The following PRRX2 variants were observed in gnomAD, a reference collection of about 807,000 sequenced individuals.
PRRX2 encodes the protein paired related homeobox 2, also known as paired mesoderm homeobox protein 2.
PRRX2 carries 11 observed loss-of-function variants against 18.0 expected under a neutral mutation model. That is an observed-to-expected ratio of 0.61 (90% CI 0.39 to 1.01). The LOEUF (loss-of-function observed/expected upper bound fraction) is 1.01, where lower values mean the gene tolerates loss of function less well. PRRX2 is among the 50% of genes least tolerant of loss of function. The pLI is 0.01. For synonymous variants in PRRX2, 177 were observed against 154.8 expected (o/e 1.14, Z -1.06); for missense variants, 387 against 351.0 (o/e 1.10, Z -0.82).
At chr9:129,672,039 G>A (rs537204244) in intron 1 of PRRX2, among the ~76,000 whole-genome samples, 23 of 152,300 alleles carry the variant, frequency 1.5e-4, no homozygotes, top group Middle Eastern at 3.4e-3. Context: ...GCTTGTCCCA[G>A]GCAAGAATGT....
chr9:129,681,403 C>A (rs929724684), intron 1 of PRRX2, among the ~76,000 whole-genome samples: 6 of 152,162 alleles, frequency 3.9e-5, no homozygotes, highest in Admixed American at 2.6e-4. Flanking sequence ...ACCTGTACTC[C>A]CAGCTACTCG....
chr9:129,721,320 G>T (rs532626252), intron 3 of PRRX2, among the ~76,000 whole-genome samples: 2 of 152,148 alleles, frequency 1.3e-5, no homozygotes, highest in African/African-American at 4.8e-5. Context: ...AAGTTCTGGG[G>T]CAGTTTTGTC....
At chr9:129,668,191 A>G (rs1030675848) in intron 1 of PRRX2, among the ~76,000 whole-genome samples, 1 of 152,174 alleles carries the variant, frequency 6.6e-6, no homozygotes, top group African/African-American at 2.4e-5. Flanking sequence ...CAACTCATCC[A>G]TCTGGGTCAG....
rs780732143 is a variant in PRRX2, at chr9:129,669,057, GA to G, written c.259+2941del. Among the ~76,000 whole-genome samples the G allele has an allele frequency of 3.3e-4, 45 of 135,006 alleles. No individual in the cohort carries two copies. The East Asian group carries it at 6.5e-3, about 19-fold the overall frequency. The allele number at this position is 135,006 out of a possible 152,430, so 88.6% of individuals were successfully genotyped here. ...AGCTACTCGGGAGGCTGAGGCAGGA[GA>G]AAAAAAAAAGAAAGAAAGAAAGAAA... On this transcript the variant is annotated intron_variant, in intron 1 of 3. Transcript: ENST00000372469.
At chr9:129,681,290 C>T (rs1564146471) in intron 1 of PRRX2, among the ~76,000 whole-genome samples, 1 of 152,162 alleles carries the variant, frequency 6.6e-6, no homozygotes, top group Non-Finnish European at 1.5e-5. Flanking sequence ...GAGGCTGAGG[C>T]GGGCGGATCA....
intron 1 of PRRX2, among the ~76,000 whole-genome samples, chr9:129,704,620 TCCACTGC>T (rs1479385367): frequency 6.6e-6 from 1 of 152,218 alleles, no homozygotes; most frequent in African/African-American, 2.4e-5. Flanking sequence ...AACTTGGGGT[TCCACTGC>T]CTTGCTGTGA....
intron 1 of PRRX2, among the ~76,000 whole-genome samples, chr9:129,717,360 G>T (rs772576724): frequency 6.6e-5 from 10 of 151,992 alleles, no homozygotes; most frequent in African/African-American, 2.4e-4. Flanking sequence ...GTGAGCCACC[G>T]CGCCTGGCCA....
intron 1 of PRRX2, among the ~76,000 whole-genome samples, chr9:129,677,955 TTTC>T (rs1832181427): frequency 1.5e-5 from 2 of 131,858 alleles, no homozygotes; most frequent in African/African-American, 5.5e-5. Flanking sequence ...TCTTTCTTTC[TTTC>T]TTTTTTTTTT....
chr9:129,677,067 T>C (rs1208187803), intron 1 of PRRX2, among the ~76,000 whole-genome samples: 1 of 152,190 alleles, frequency 6.6e-6, no homozygotes, highest in Non-Finnish European at 1.5e-5. Flanking sequence ...CATAGGATTC[T>C]CCTTATTTGC....
At position 129,686,744 on chromosome 9, in the gene PRRX2, G is replaced by C. The variant is rs992863275; in HGVS notation, c.259+20618G>C. On this transcript the variant is annotated intron_variant, in intron 1 of 3. Transcript: ENST00000372469. ...CCCACACCAGGACCTGCTCAGAAGG[G>C]GGATCCCTGGTCATCTGCAGCCTCC... 2.6e-5 allele frequency among the ~76,000 whole-genome samples: 4 copies of C among 152,308 alleles called. No homozygotes were observed. In the South Asian group the frequency reaches 8.3e-4, roughly 32 times the overall value.
At chr9:129,667,160 T>TCTGAGTGCACC (rs60087380) in intron 1 of PRRX2, among the ~76,000 whole-genome samples, 6 of 152,110 alleles carry the variant, frequency 3.9e-5, no homozygotes, top group African/African-American at 1.4e-4. Context: ...CGGGGCACCT[T>TCTGAGTGCACC]CTGCCAGCCT....
chr9:129,717,695 CAA>C (rs568330077), intron 1 of PRRX2, among the ~76,000 whole-genome samples: 3,999 of 82,454 alleles, frequency 0.048, 165 homozygotes, highest in African/African-American at 0.14. Flanking sequence ...GACTCCGCCT[CAA>C]AAAAAAAAAA....
chr9:129,681,260 C>CTGTA (rs1455895140), intron 1 of PRRX2, among the ~76,000 whole-genome samples: 4 of 152,238 alleles, frequency 2.6e-5, no homozygotes, highest in African/African-American at 9.6e-5. Context: ...TGGCTCACAC[C>CTGTA]TGTAATCCCA....
In PRRX2 at chr9:129,675,107, G is replaced by A. The variant is rs560839773; in HGVS notation, c.259+8981G>A. Among the ~76,000 whole-genome samples, 2 of 152,284 alleles carry A rather than the reference G, an allele frequency of 1.3e-5. No homozygotes were observed. Among genetic ancestry groups the A allele is most frequent in the African/African-American group, 2.4e-5 (1 of 41,550 alleles). Reference sequence around the variant, plus strand: ...GACAGAGAGGCCGGGCAGAGCTGCCGCAGGATGCATAAGGCTGGCTCTGGA... The same window carrying A: ...GACAGAGAGGCCGGGCAGAGCTGCCACAGGATGCATAAGGCTGGCTCTGGA... On this transcript the variant is annotated intron_variant, in intron 1 of 3. Transcript: ENST00000372469. The surrounding 1 kb of genome is among the most constrained non-coding windows in gnomAD (Gnocchi z 4.4).
At position 129,665,952 on chromosome 9, in the gene PRRX2, G is replaced by T; in HGVS notation, c.85G>T (p.Gly29Cys). 1 of 1,139,594 alleles carries T rather than the reference G, an allele frequency of 8.8e-7. No individual in the cohort carries two copies. 70.6% of individuals were successfully genotyped at this position (1,139,594 alleles called of 1,614,324 possible). A position where few individuals can be genotyped will look rare whatever the true frequency, so the allele number is the denominator to read the frequency against. ...GCCGCCTCCACCCGCGCTGGGGCCC[G>T]GCGACTGCGCCCAGGCGCGCAAGAA... Reference protein sequence around the residue: ...PPPPPPALGPGDCAQARKNFS... With the variant: ...PPPPPPALGPCDCAQARKNFS... The change falls in exon 1 of 4, where the codon GGC (glycine) becomes TGC (cysteine). Residue 29 changes from glycine to cysteine, a missense_variant. Coordinates refer to ENST00000372469, the MANE Select transcript of PRRX2 (RefSeq NM_016307.4). This position sits in a 1 kb window ranked among gnomAD's most constrained non-coding sequence, Gnocchi z 5.3.
At chr9:129,721,410 G>A (rs1832790357) in intron 3 of PRRX2, among the ~76,000 whole-genome samples, 1 of 152,132 alleles carries the variant, frequency 6.6e-6, no homozygotes. Flanking sequence ...CAGCTCCAGA[G>A]GCGCCGTCTG....
At chr9:129,680,271 T>G (rs1832209719) in intron 1 of PRRX2, among the ~76,000 whole-genome samples, 1 of 151,460 alleles carries the variant, frequency 6.6e-6, no homozygotes, top group Non-Finnish European at 1.5e-5. Context: ...CGTGGTGGCG[T>G]GCACCTGTAA....
chr9:129,701,944 CA>C (rs374995984), intron 1 of PRRX2, among the ~76,000 whole-genome samples: 1 of 151,848 alleles, frequency 6.6e-6, no homozygotes, highest in South Asian at 2.1e-4. Context: ...ACTAAAAATA[CA>C]AAAAAATTAG....
chr9:129,716,444 T>C (rs1832707519), intron 1 of PRRX2, among the ~76,000 whole-genome samples: 1 of 149,562 alleles, frequency 6.7e-6, no homozygotes, highest in South Asian at 2.1e-4. Flanking sequence ...GTACATACTA[T>C]GCTTTCTTTC....
Sources: allele counts gnomAD v4.1 joint callset (sites outside exome capture counted in the v4.1 genomes callset), GRCh38; gene constraint gnomAD v4.1.1; non-coding constraint Gnocchi (gnomAD v3.1); transcripts MANE v1.5; gene names NCBI Gene and HGNC (gene_info 2026-07-23, HGNC 2026-07-21).